The following ADCY2 variants were observed in gnomAD, a reference collection of about 807,000 sequenced individuals.
ADCY2 encodes adenylate cyclase 2.
Under a neutral mutation model 125.2 loss-of-function variants are expected in ADCY2, and 31 were observed. The observed-to-expected ratio is 0.25, with a 90% confidence interval of 0.19 to 0.33. The LOEUF (loss-of-function observed/expected upper bound fraction) is 0.33, where lower values mean the gene tolerates loss of function less well. Ranked by LOEUF, ADCY2 falls within the 10% of genes least tolerant of loss-of-function variation. The pLI, the probability that ADCY2 is intolerant of heterozygous loss-of-function variation, is 1.00. For synonymous variants in ADCY2, 512 were observed against 548.4 expected, an observed-to-expected ratio of 0.93 and a Z score of 0.93; for missense variants, 904 against 1,418.2, an observed-to-expected ratio of 0.64 and a Z score of 5.82.
chr5:7,614,388 G>C (rs187519539), intron 3 of ADCY2, among the ~76,000 whole-genome samples: 9 of 152,170 alleles, frequency 5.9e-5, no homozygotes, highest in Admixed American at 2.0e-4. Flanking sequence ...CTTTCTGTCT[G>C]TATAAAATTT....
Position 7,802,195 on chromosome 5 carries a change from G to C in ADCY2, c.2629-23G>C, listed in dbSNP as rs1212534719. 2 of 1,611,698 alleles carry C rather than the reference G, an allele frequency of 1.2e-6. No homozygotes were observed. The highest frequency in any genetic ancestry group is 1.7e-6 in the Non-Finnish European group (2 of 1,179,404). On this transcript the variant is annotated intron_variant, in intron 20 of 24. Coordinates refer to ENST00000338316, the MANE Select transcript of ADCY2 (RefSeq NM_020546.3). This position sits in a 1 kb window ranked among gnomAD's most constrained non-coding sequence, Gnocchi z 4.6. ...TTAAAGGTCAGTCTCCTAGTGATCA[G>C]CTCTTGCTTTTCTCCCAAGCAGGAG...
intron 7 of ADCY2, among the ~76,000 whole-genome samples, chr5:7,702,807 T>A (rs1187295272): frequency 6.6e-6 from 1 of 152,190 alleles, no homozygotes; most frequent in South Asian, 2.1e-4. Flanking sequence ...CACCACACTG[T>A]CTTCCACAAT....
chr5:7,646,229 A>G (rs1332127950), intron 4 of ADCY2, among the ~76,000 whole-genome samples: 2 of 152,002 alleles, frequency 1.3e-5, no homozygotes, highest in Non-Finnish European at 2.9e-5. Context: ...AGCAAGAATA[A>G]CAAAGCCAGA....
chr5:7,539,241 A>G (rs1407720818), intron 3 of ADCY2, among the ~76,000 whole-genome samples: 1 of 152,168 alleles, frequency 6.6e-6, no homozygotes, highest in East Asian at 1.9e-4. Flanking sequence ...TTGTTAATTA[A>G]GATAATTCAT....
intron 4 of ADCY2, among the ~76,000 whole-genome samples, chr5:7,631,634 A>G (rs1738313819): frequency 6.6e-6 from 1 of 152,212 alleles, no homozygotes; most frequent in South Asian, 2.1e-4. Flanking sequence ...CTAAGAAGGC[A>G]GTCAGTAGCT....
chr5:7,421,612 C>G (rs1740205683), intron 2 of ADCY2, among the ~76,000 whole-genome samples: 1 of 152,220 alleles, frequency 6.6e-6, no homozygotes, highest in Non-Finnish European at 1.5e-5. Context: ...GCTATCTTTT[C>G]AGGGGACACA....
intron 19 of ADCY2, among the ~76,000 whole-genome samples, chr5:7,785,590 T>G (rs1744058779): frequency 6.6e-6 from 1 of 152,150 alleles, no homozygotes; most frequent in Non-Finnish European, 1.5e-5. Context: ...CATTTTTCTT[T>G]TCTCACGACT....
At chr5:7,776,490 C>A (rs1405770055) in intron 18 of ADCY2, among the ~76,000 whole-genome samples, 3 of 152,172 alleles carry the variant, frequency 2.0e-5, no homozygotes, top group African/African-American at 7.2e-5. Flanking sequence ...CAGTGTCCTT[C>A]CTGTCCACCC....
intron 3 of ADCY2, among the ~76,000 whole-genome samples, chr5:7,574,880 AC>A (rs1356311910): frequency 6.6e-6 from 1 of 152,248 alleles, no homozygotes; most frequent in Non-Finnish European, 1.5e-5. Context: ...GGTGTCTGAC[AC>A]CAGGGAGTGG....
intron 2 of ADCY2, among the ~76,000 whole-genome samples, chr5:7,493,435 TAGAA>T (rs1383839018): frequency 2.0e-5 from 3 of 152,044 alleles, no homozygotes; most frequent in Non-Finnish European, 4.4e-5. Flanking sequence ...TGCCTTTATA[TAGAA>T]AGAAAGAAAC....
intron 1 of ADCY2, 37 bp from the exon 2 acceptor site, chr5:7,414,534 TAA>T (rs1211067714): frequency 1.3e-6 from 2 of 1,553,536 alleles, no homozygotes; most frequent in African/African-American, 2.7e-5. Flanking sequence ...ACAGTGTCTC[TAA>T]ATGGTAACTT....
chr5:7,541,053 C>T (rs1276539962), intron 3 of ADCY2, among the ~76,000 whole-genome samples: 2 of 152,080 alleles, frequency 1.3e-5, no homozygotes, highest in African/African-American at 2.4e-5. Context: ...TGCATGATCT[C>T]GGCACAGCGT....
chr5:7,437,015 G>A (rs112632503), intron 2 of ADCY2, among the ~76,000 whole-genome samples: 79 of 152,240 alleles, frequency 5.2e-4, no homozygotes, highest in Admixed American at 1.4e-3. Context: ...CCCTCTAAAG[G>A]GGCCACCAGG....
intron 16 of ADCY2, among the ~76,000 whole-genome samples, chr5:7,765,059 A>G (rs1057019263): frequency 1.8e-4 from 28 of 152,218 alleles, no homozygotes; most frequent in Non-Finnish European, 3.7e-4. Context: ...AAGTTCAACC[A>G]TCATATTTAT....
At position 7,802,197 on chromosome 5, in the gene ADCY2, T is replaced by C; in HGVS notation, c.2629-21T>C. The C allele has an allele frequency of 6.2e-7, 1 of 1,612,150 alleles. No individual in the cohort carries two copies. The highest frequency in any genetic ancestry group is 8.5e-7 in the Non-Finnish European group (1 of 1,179,496). On this transcript the variant is annotated intron_variant, in intron 20 of 24. Transcript: ENST00000338316. This position sits in a 1 kb window ranked among gnomAD's most constrained non-coding sequence, Gnocchi z 4.6. ...AAAGGTCAGTCTCCTAGTGATCAGC[T>C]CTTGCTTTTCTCCCAAGCAGGAGCT...
chr5:7,758,963 G>C (rs969925263), intron 16 of ADCY2, among the ~76,000 whole-genome samples: 14 of 152,284 alleles, frequency 9.2e-5, no homozygotes, highest in Admixed American at 4.6e-4. Flanking sequence ...GCGAGAGATC[G>C]TAAATTCCTC....
chr5:7,621,908 C>T (rs966908738), intron 3 of ADCY2, among the ~76,000 whole-genome samples: 2 of 152,078 alleles, frequency 1.3e-5, no homozygotes, highest in African/African-American at 4.8e-5. Flanking sequence ...GATTCCAGAC[C>T]CCGCGCATAC....
chr5:7,560,324 G>T (rs1469829882), intron 3 of ADCY2, among the ~76,000 whole-genome samples: 2 of 152,192 alleles, frequency 1.3e-5, no homozygotes, highest in Non-Finnish European at 2.9e-5. Context: ...ACTGTGTGGT[G>T]TGTCATTTTT....
intron 2 of ADCY2, among the ~76,000 whole-genome samples, chr5:7,466,261 AC>A (rs1742113683): frequency 1.3e-5 from 2 of 152,044 alleles, no homozygotes; most frequent in African/African-American, 4.8e-5. Context: ...TTTTGTTATA[AC>A]CTCATGTGGT....
Sources: allele counts gnomAD v4.1 joint callset (sites outside exome capture counted in the v4.1 genomes callset), GRCh38; gene constraint gnomAD v4.1.1; non-coding constraint Gnocchi (gnomAD v3.1); transcripts MANE v1.5; gene names NCBI Gene and HGNC (gene_info 2026-07-23, HGNC 2026-07-21).